Variants in GRIN2A observed in about 807,000 individuals in gnomAD.
GRIN2A encodes the protein glutamate ionotropic receptor NMDA type subunit 2A.
In GRIN2A, 22 loss-of-function variants were observed where a neutral mutation model predicts 113.4. The observed-to-expected ratio is 0.19, with a 90% confidence interval of 0.14 to 0.28. GRIN2A has a LOEUF of 0.28. Ranked by LOEUF, GRIN2A falls within the 10% of genes least tolerant of loss-of-function variation. The pLI is 1.00. For missense variants in GRIN2A, 1,502 were observed against 1,887.0 expected (o/e 0.80, Z 3.78); for synonymous variants, 827 against 738.4 (o/e 1.12, Z -1.94).
intron 3 of GRIN2A, among the ~76,000 whole-genome samples, chr16:9,929,586 C>A (rs2044542556): frequency 6.6e-6 from 1 of 152,190 alleles, no homozygotes; most frequent in Admixed American, 6.5e-5. Context: ...TCCCAACCAG[C>A]CTATGTTTCT....
intron 2 of GRIN2A, among the ~76,000 whole-genome samples, chr16:10,052,590 G>C (rs768408119): frequency 6.6e-6 from 1 of 152,232 alleles, no homozygotes; most frequent in African/African-American, 2.4e-5. Context: ...GGGAGGGTAA[G>C]TGTGACCAGG....
chr16:9,883,112 A>G lies in GRIN2A; in HGVS notation c.1122+7874T>C, dbSNP rs527634095. ...AGAAACTCTGGTTCTCTGAACCAGAACTTCCATCTCTGAAGCAGGGAGAAG... is the reference window on the plus strand; with the variant it reads ...AGAAACTCTGGTTCTCTGAACCAGAGCTTCCATCTCTGAAGCAGGGAGAAG... On this transcript the variant is annotated intron_variant, in intron 4 of 12. Transcript: ENST00000330684. 2.2e-4 allele frequency among the ~76,000 whole-genome samples: 33 copies of G among 152,168 alleles called. 1 individual carries two copies. The highest frequency in any genetic ancestry group is 4.7e-4 in the Non-Finnish European group (32 of 68,030).
chr16:10,061,116 G>A (rs1167148564), intron 2 of GRIN2A, among the ~76,000 whole-genome samples: 1 of 152,202 alleles, frequency 6.6e-6, no homozygotes, highest in African/African-American at 2.4e-5. Context: ...CATACAGCTA[G>A]AGTGTGCCCT....
At chr16:10,122,750 G>A (rs141106613) in intron 2 of GRIN2A, among the ~76,000 whole-genome samples, 7 of 152,246 alleles carry the variant, frequency 4.6e-5, no homozygotes, top group Admixed American at 6.5e-5. Flanking sequence ...GAGCCAACCT[G>A]AGGGAAATTG....
At chr16:9,982,891 C>G (rs2045916655) in intron 2 of GRIN2A, among the ~76,000 whole-genome samples, 2 of 152,186 alleles carry the variant, frequency 1.3e-5, no homozygotes, top group South Asian at 4.1e-4. Flanking sequence ...AAACCAAACT[C>G]TAAGTGGAGG....
At chr16:10,022,631 A>T (rs1180474967) in intron 2 of GRIN2A, among the ~76,000 whole-genome samples, 2 of 152,184 alleles carry the variant, frequency 1.3e-5, no homozygotes, top group African/African-American at 4.8e-5. Flanking sequence ...AGCAGGTCTT[A>T]TTCTTCTCTC....
At chr16:10,050,863 C>G (rs1295128963) in intron 2 of GRIN2A, among the ~76,000 whole-genome samples, 1 of 152,058 alleles carries the variant, frequency 6.6e-6, no homozygotes, top group East Asian at 1.9e-4. Flanking sequence ...TTTCACAAAC[C>G]TTGATTTTAA....
At chr16:9,834,289 G>A in intron 7 of GRIN2A, 59 bp from the exon 8 acceptor site, 1 of 1,563,748 alleles carries the variant, frequency 6.4e-7, no homozygotes, top group Non-Finnish European at 8.8e-7. Context: ...CTCACTTCCA[G>A]CAGGAAGCCC....
At chr16:9,920,686 C>T (rs764331030) in intron 3 of GRIN2A, among the ~76,000 whole-genome samples, 3 of 152,008 alleles carry the variant, frequency 2.0e-5, no homozygotes, top group Admixed American at 6.5e-5. Context: ...CTGCCTCAGC[C>T]TCCTGCCGTA....
At chr16:9,953,698 G>A (rs558082917) in intron 2 of GRIN2A, among the ~76,000 whole-genome samples, 4 of 152,258 alleles carry the variant, frequency 2.6e-5, no homozygotes, top group African/African-American at 9.6e-5. Context: ...GAGAAAGCCG[G>A]GGAATGCGAT....
intron 11 of GRIN2A, among the ~76,000 whole-genome samples, chr16:9,796,327 A>C (rs1902979648): frequency 6.6e-6 from 1 of 152,188 alleles, no homozygotes; most frequent in Admixed American, 6.5e-5. Flanking sequence ...TGTGATGTTC[A>C]GTGTTTTGTT....
intron 2 of GRIN2A, among the ~76,000 whole-genome samples, chr16:10,115,929 G>C (rs748484514): frequency 6.6e-6 from 1 of 152,124 alleles, no homozygotes; most frequent in Non-Finnish European, 1.5e-5. Flanking sequence ...CTAAGATCTA[G>C]AACCAGAAAT....
chr16:9,963,660 A>G (rs1270757296), intron 2 of GRIN2A, among the ~76,000 whole-genome samples: 1 of 152,226 alleles, frequency 6.6e-6, no homozygotes, highest in East Asian at 1.9e-4. Context: ...ATGCCTCCAT[A>G]AAGTACCACT....
At chr16:10,115,132 A>G (rs1005494212) in intron 2 of GRIN2A, among the ~76,000 whole-genome samples, 2 of 152,234 alleles carry the variant, frequency 1.3e-5, no homozygotes, top group Admixed American at 6.5e-5. Context: ...AATTGTATAT[A>G]AAGTAAAAGT....
chr16:9,970,487 G>T (rs541270885), intron 2 of GRIN2A, among the ~76,000 whole-genome samples: 1 of 152,282 alleles, frequency 6.6e-6, no homozygotes, highest in South Asian at 2.1e-4. Context: ...GAGATATGGA[G>T]ATAAAGATAC....
At position 10,088,500 on chromosome 16, in the gene GRIN2A, C is replaced by T. The variant is rs543371891; in HGVS notation, c.414+91498G>A. On this transcript the variant is annotated intron_variant, in intron 2 of 12. Transcript: ENST00000330684. Reference sequence around the variant, plus strand: ...ACAATCTATACCCACCCTAGACCTGCGGCATCTCTTAATCTGTGCTCCACA... The same window carrying T: ...ACAATCTATACCCACCCTAGACCTGTGGCATCTCTTAATCTGTGCTCCACA... Among the ~76,000 whole-genome samples, 147 of 152,304 alleles carry T rather than the reference C, an allele frequency of 9.7e-4. 2 individuals carry two copies. The highest frequency in any genetic ancestry group is 2.5e-3 in the South Asian group (12 of 4,824).
intron 2 of GRIN2A, among the ~76,000 whole-genome samples, chr16:10,176,312 C>T (rs899068611): frequency 2.6e-5 from 4 of 152,128 alleles, no homozygotes; most frequent in Non-Finnish European, 5.9e-5. Context: ...GCCTTATTTT[C>T]ACCTCTAATT....
At chr16:9,945,126 G>C (rs2044987178) in intron 2 of GRIN2A, among the ~76,000 whole-genome samples, 1 of 152,136 alleles carries the variant, frequency 6.6e-6, no homozygotes, top group Admixed American at 6.5e-5. Flanking sequence ...TTTGAAACCA[G>C]TCTGGCCAAC....
intron 2 of GRIN2A, among the ~76,000 whole-genome samples, chr16:10,133,185 C>T (rs144191102): frequency 1.3e-5 from 2 of 152,236 alleles, no homozygotes; most frequent in African/African-American, 4.8e-5. Context: ...ATACAGGAGT[C>T]AGAGTTTAGA....
Sources: gnomAD v4.1 joint callset for allele counts (sites outside exome capture counted in the v4.1 genomes callset) on GRCh38, gnomAD v4.1.1 for gene constraint, MANE v1.5 for transcripts, NCBI Gene and HGNC (gene_info 2026-07-23, HGNC 2026-07-21) for gene names.